Variants in DIAPH3 observed in about 807,000 individuals in gnomAD.
DIAPH3 encodes protein diaphanous homolog 3.
A neutral mutation model predicts 144.3 loss-of-function variants in DIAPH3; 117 were observed. The observed-to-expected ratio is 0.81, with a 90% CI of 0.70 to 0.95. The LOEUF is 0.95. Among genes scored for constraint, DIAPH3 ranks in the 40% least tolerant of loss-of-function variants. The probability of loss-of-function intolerance (pLI) is 0.00; values close to 1 mark genes in which losing one functional copy is unlikely to be tolerated. For missense variants in DIAPH3, 1,421 were observed against 1,412.7 expected, an observed-to-expected ratio of 1.01 and a Z score of -0.09; for synonymous variants, 519 against 488.9, an observed-to-expected ratio of 1.06 and a Z score of -0.81.
At chr13:59,984,439 A>G (rs940719917) in intron 12 of DIAPH3, among the ~76,000 whole-genome samples, 1 of 151,782 alleles carries the variant, frequency 6.6e-6, no homozygotes, top group African/African-American at 2.4e-5. Flanking sequence ...ATATTTGTCC[A>G]AAAATCGAAG....
intron 17 of DIAPH3, among the ~76,000 whole-genome samples, chr13:59,964,815 G>A (rs339534): frequency 0.3 from 45,912 of 151,934 alleles, 7,845 homozygotes; most frequent in African/African-American, 0.47. Context: ...CAAATGATAT[G>A]TCCCTAGAGA....
chr13:59,729,265 T>C (rs1442557176), intron 27 of DIAPH3, among the ~76,000 whole-genome samples: 1 of 152,218 alleles, frequency 6.6e-6, no homozygotes, highest in Non-Finnish European at 1.5e-5. Context: ...CAATTACTTA[T>C]GACATTTCCC....
intron 25 of DIAPH3, among the ~76,000 whole-genome samples, chr13:59,775,903 A>T (rs2038389471): frequency 6.6e-6 from 1 of 152,220 alleles, no homozygotes; most frequent in South Asian, 2.1e-4. Context: ...AATACTTATA[A>T]GTATTTATAG....
At position 60,037,717 on chromosome 13, in the gene DIAPH3, A is replaced by G. The variant is rs891252579; in HGVS notation, c.626+4973T>C. Among the ~76,000 whole-genome samples, 4 of 152,018 alleles carry G rather than the reference A, an allele frequency of 2.6e-5. No individual in the cohort carries two copies. In the East Asian group the frequency reaches 7.7e-4, roughly 29 times the overall value. On this transcript the variant is annotated intron_variant, in intron 5 of 27. Coordinates refer to ENST00000400324, the MANE Select transcript of DIAPH3 (RefSeq NM_001042517.2). ...TGATGAACCTGGAAAAAGTAGCATA[A>G]ATTAAAAATTCAAAATGAAACATCA...
At chr13:59,809,398 G>A (rs372926344) in intron 25 of DIAPH3, among the ~76,000 whole-genome samples, 5 of 151,850 alleles carry the variant, frequency 3.3e-5, no homozygotes, top group African/African-American at 1.2e-4. Flanking sequence ...CCACTCGGGA[G>A]GCTTGAGGCA....
At chr13:59,668,070 T>C (rs1380192083) in intron 27 of DIAPH3, among the ~76,000 whole-genome samples, 1 of 152,308 alleles carries the variant, frequency 6.6e-6, no homozygotes, top group East Asian at 1.9e-4. Context: ...TGGAAGAAAA[T>C]AAATACACTT....
At chr13:60,152,912 T>C (rs1384125994) in intron 1 of DIAPH3, among the ~76,000 whole-genome samples, 2 of 152,154 alleles carry the variant, frequency 1.3e-5, no homozygotes, top group Non-Finnish European at 2.9e-5. Flanking sequence ...ATCTAATTTC[T>C]TAACTCAAGT....
At chr13:59,728,725 A>C (rs2035727793) in intron 27 of DIAPH3, among the ~76,000 whole-genome samples, 1 of 152,164 alleles carries the variant, frequency 6.6e-6, no homozygotes, top group Non-Finnish European at 1.5e-5. Context: ...AAAACAGGTG[A>C]CTATAATAGG....
At chr13:59,851,865 G>A (rs192959729) in intron 22 of DIAPH3, among the ~76,000 whole-genome samples, 10 of 152,146 alleles carry the variant, frequency 6.6e-5, no homozygotes, top group Middle Eastern at 3.4e-3. Flanking sequence ...TGATCCGCAC[G>A]CCTCGGCCTC....
intron 13 of DIAPH3, among the ~76,000 whole-genome samples, chr13:59,982,535 A>C (rs980057637): frequency 2.6e-5 from 4 of 151,602 alleles, no homozygotes; most frequent in Non-Finnish European, 5.9e-5. Flanking sequence ...GACTCAGATA[A>C]TATACGAAAA....
chr13:59,951,980 C>T (rs2049119751), intron 17 of DIAPH3, among the ~76,000 whole-genome samples: 1 of 152,134 alleles, frequency 6.6e-6, no homozygotes, highest in Admixed American at 6.6e-5. Flanking sequence ...GCAACACTAT[C>T]CACAATAGCC....
At chr13:59,744,026 T>TG (rs1566250546) in intron 27 of DIAPH3, among the ~76,000 whole-genome samples, 7 of 152,290 alleles carry the variant, frequency 4.6e-5, no homozygotes, top group Admixed American at 3.3e-4. Flanking sequence ...CTTTTTATTT[T>TG]GGGGGTTAAG....
chr13:59,874,533 C>A (rs756921949), intron 21 of DIAPH3, among the ~76,000 whole-genome samples: 1 of 152,046 alleles, frequency 6.6e-6, no homozygotes, highest in African/African-American at 2.4e-5. Flanking sequence ...ACCCCCTCAC[C>A]GTCTTAGCAC....
intron 20 of DIAPH3, among the ~76,000 whole-genome samples, chr13:59,908,403 T>C (rs1432923930): frequency 2.1e-5 from 3 of 141,732 alleles, no homozygotes; most frequent in Non-Finnish European, 4.6e-5. Context: ...AAGTAAGACA[T>C]TTCCAGTATA....
rs532562288 is a variant in DIAPH3, at chr13:59,871,723, C to A, written c.2607+7506G>T. On this transcript the variant is annotated intron_variant, in intron 21 of 27. Coordinates refer to ENST00000400324, the MANE Select transcript of DIAPH3 (RefSeq NM_001042517.2). ...TGTTTGATAGAATTTACTGGTGAAA[C>A]CATCTGAGCCTTGTTCTTTCTGTTT... Among the ~76,000 whole-genome samples the A allele has an allele frequency of 5.5e-4, 83 of 152,284 alleles. 3 individuals are homozygous for A. The South Asian group carries it at 0.017, about 32-fold the overall frequency.
chr13:59,936,331 C>T (rs1594050972), intron 17 of DIAPH3, among the ~76,000 whole-genome samples: 1 of 152,188 alleles, frequency 6.6e-6, no homozygotes, highest in Non-Finnish European at 1.5e-5. Context: ...TAATAATTAG[C>T]AACTTTGCTC....
intron 4 of DIAPH3, among the ~76,000 whole-genome samples, chr13:60,060,988 G>T (rs1175884230): frequency 1.3e-5 from 2 of 152,000 alleles, no homozygotes; most frequent in Non-Finnish European, 2.9e-5. Flanking sequence ...TGCCCATGAG[G>T]TGCTCATCAT....
chr13:59,987,366 C>T (rs889422640), intron 12 of DIAPH3, among the ~76,000 whole-genome samples: 16 of 150,926 alleles, frequency 1.1e-4, no homozygotes, highest in Non-Finnish European at 1.5e-5. Flanking sequence ...TGGAGATATA[C>T]CTAAGGCTAG....
At chr13:59,861,732 G>T (rs758830994) in intron 21 of DIAPH3, among the ~76,000 whole-genome samples, 196 bp from the exon 22 acceptor site, 1 of 152,002 alleles carries the variant, frequency 6.6e-6, no homozygotes, top group Non-Finnish European at 1.5e-5. Flanking sequence ...ATCATTATTT[G>T]TCGCAAAAAA....
Sources: gnomAD v4.1 joint callset for allele counts (sites outside exome capture counted in the v4.1 genomes callset) on GRCh38, gnomAD v4.1.1 for gene constraint, MANE v1.5 for transcripts, NCBI Gene and HGNC (gene_info 2026-07-23, HGNC 2026-07-21) for gene names.